NAV2: variants seen among roughly 807,000 people sequenced by gnomAD.
NAV2 encodes the protein neuron navigator 2, also known as helicase, APC down-regulated 1.
In NAV2, 54 loss-of-function variants were observed where a neutral mutation model predicts 223.2. The observed-to-expected ratio is 0.24, with a 90% CI of 0.19 to 0.30. The LOEUF is 0.30. Ranked by LOEUF, NAV2 falls within the 10% of genes least tolerant of loss-of-function variation. The pLI is 1.00. For synonymous variants in NAV2, 1,279 were observed against 1,239.3 expected (o/e 1.03, Z -0.67); for missense variants, 2,806 against 3,147.5 (o/e 0.89, Z 2.60).
chr11:19,946,153 C>G (rs149515532), intron 8 of NAV2, among the ~76,000 whole-genome samples: 1 of 152,200 alleles, frequency 6.6e-6, no homozygotes, highest in Non-Finnish European at 1.5e-5. Context: ...TTGGCTTCTC[C>G]CACATGCTAG....
At chr11:19,345,610 G>T in the NAV2 span, among the ~76,000 whole-genome samples, 1 of 152,230 alleles carries the variant, frequency 6.6e-6, no homozygotes, top group Non-Finnish European at 1.5e-5. The surrounding 1 kb of genome is among the most constrained non-coding windows in gnomAD (Gnocchi z 5.2). Context: ...ATAGCCACCC[G>T]TGCGCGATGA....
intron 1 of NAV2, among the ~76,000 whole-genome samples, chr11:19,551,973 C>A (rs908303771): frequency 2.0e-5 from 3 of 152,066 alleles, no homozygotes; most frequent in South Asian, 2.1e-4. Flanking sequence ...CTGACTGCAA[C>A]CCTGGGGTCT....
intron 1 of NAV2, among the ~76,000 whole-genome samples, chr11:19,374,305 A>G (rs1171053772): frequency 1.4e-5 from 2 of 138,430 alleles, no homozygotes. Context: ...ATTTTTCCGA[A>G]AAGGTTTTTT....
chr11:20,074,081 T>G (rs1292812333), intron 22 of NAV2, among the ~76,000 whole-genome samples: 1 of 152,228 alleles, frequency 6.6e-6, no homozygotes, highest in East Asian at 1.9e-4. Flanking sequence ...GTGCTATAAA[T>G]TTCCCTCTAC....
rs564863612 is a variant in NAV2, at chr11:19,814,945, GT to G, written c.268-17538del. Among the ~76,000 whole-genome samples, 807 of 152,222 alleles carry G rather than the reference GT, an allele frequency of 5.3e-3. 5 individuals carry two copies. Among genetic ancestry groups the G allele is most frequent in the Middle Eastern group, 0.044 (13 of 294 alleles). On this transcript the variant is annotated intron_variant, in intron 1 of 37. Transcript: ENST00000349880. ...TTAGCATTATTAGGTGGCTTGGCAG[GT>G]GCTTATTTTCTAGGAAAGAGTGTGC...
chr11:19,729,824 G>T (rs1590207124), intron 1 of NAV2, among the ~76,000 whole-genome samples: 1 of 152,298 alleles, frequency 6.6e-6, no homozygotes, highest in East Asian at 1.9e-4. Context: ...GTGGCCTTTG[G>T]ATCTGCAACC....
rs138840502 is a variant in NAV2 at position 19,717,306 on chromosome 11, A to G, written c.267+3344A>G. On this transcript the variant is annotated intron_variant, in intron 1 of 37. Transcript: ENST00000349880. ...GGATTTTATAATCTAGTTGGGAGGCATAACTGATATACACAGGGCAACAGG... is the reference window on the plus strand; with the variant it reads ...GGATTTTATAATCTAGTTGGGAGGCGTAACTGATATACACAGGGCAACAGG... 3.1e-3 allele frequency among the ~76,000 whole-genome samples: 469 copies of G among 152,354 alleles called. 2 individuals are homozygous for G. The highest frequency in any genetic ancestry group is 0.01 in the African/African-American group (431 of 41,586).
chr11:19,951,841 A>G (rs2047425285), intron 10 of NAV2, among the ~76,000 whole-genome samples: 1 of 152,264 alleles, frequency 6.6e-6, no homozygotes, highest in South Asian at 2.1e-4. Flanking sequence ...TAGCACTTAG[A>G]GCAAGTGTAG....
intron 1 of NAV2, among the ~76,000 whole-genome samples, chr11:19,690,472 C>T (rs2049142139): frequency 6.6e-6 from 1 of 152,034 alleles, no homozygotes; most frequent in Non-Finnish European, 1.5e-5. Flanking sequence ...CATGGTGAGC[C>T]CTATCTTTTA....
chr11:20,060,573 T>C (rs1446995339), intron 19 of NAV2, among the ~76,000 whole-genome samples: 1 of 152,188 alleles, frequency 6.6e-6, no homozygotes, highest in Non-Finnish European at 1.5e-5. Flanking sequence ...TAGGGACAGC[T>C]TAGAGCATTA....
At chr11:19,471,805 G>A (rs981340572) in intron 1 of NAV2, among the ~76,000 whole-genome samples, 3 of 152,090 alleles carry the variant, frequency 2.0e-5, no homozygotes, top group Non-Finnish European at 2.9e-5. Flanking sequence ...CCTGGCACCC[G>A]CGTGGCTGCC....
chr11:19,660,554 A>G (rs1463913473), intron 1 of NAV2, among the ~76,000 whole-genome samples: 1 of 152,118 alleles, frequency 6.6e-6, no homozygotes, highest in Non-Finnish European at 1.5e-5. Flanking sequence ...ACCTGGAAAG[A>G]GCATCAGATC....
chr11:19,410,230 C>T (rs1046551597), intron 1 of NAV2, among the ~76,000 whole-genome samples: 7 of 152,108 alleles, frequency 4.6e-5, no homozygotes, highest in East Asian at 1.9e-4. Flanking sequence ...CTTTTTGTTT[C>T]GCTTCCTCCT....
intron 1 of NAV2, among the ~76,000 whole-genome samples, chr11:19,529,491 A>G (rs2043956980): frequency 6.6e-6 from 1 of 150,726 alleles, no homozygotes; most frequent in Admixed American, 6.6e-5. Context: ...GCCCCACCCC[A>G]TCCCCAGTAA....
At position 19,868,961 on chromosome 11, in the gene NAV2, G is replaced by A; in HGVS notation, c.475G>A (p.Ala159Thr). The A allele has an allele frequency of 6.2e-7, 1 of 1,613,980 alleles. No homozygotes were observed. Among genetic ancestry groups the A allele is most frequent in the East Asian group, 2.2e-5 (1 of 44,876 alleles). ...NIDACLNFLA[A>T]KGINIQGLSA... ...AGATGCCTGCTTGAATTTCCTGGCA[G>A]CTAAGGGAATAAACATCCAGGGGCT... Residue 159 changes from alanine to threonine, a missense_variant, in exon 4 of 38, where the codon GCT becomes ACT. Physicochemically the swap from Ala to Thr is moderately conservative, Grantham distance 58. Transcript: ENST00000349880.
intron 1 of NAV2, among the ~76,000 whole-genome samples, chr11:19,592,721 C>T (rs998697721): frequency 6.6e-6 from 1 of 152,054 alleles, no homozygotes; most frequent in Non-Finnish European, 1.5e-5. Context: ...TTAGCATTAA[C>T]TAAGATGACT....
intron 1 of NAV2, among the ~76,000 whole-genome samples, chr11:19,472,007 C>T (rs1490401886): frequency 4.6e-5 from 7 of 152,194 alleles, no homozygotes; most frequent in African/African-American, 7.2e-5. Context: ...TCCCAACTAA[C>T]GGGTTGCTTT....
intron 11 of NAV2, among the ~76,000 whole-genome samples, chr11:19,991,934 C>G (rs1345820216): frequency 1.3e-5 from 2 of 152,152 alleles, no homozygotes; most frequent in East Asian, 3.9e-4. Flanking sequence ...TCCTTGCCTT[C>G]TCCTTTTGTC....
intron 1 of NAV2, among the ~76,000 whole-genome samples, chr11:19,561,360 C>T (rs1348096491): frequency 1.3e-5 from 2 of 152,092 alleles, no homozygotes; most frequent in Admixed American, 1.3e-4. Context: ...CACTGCTGGG[C>T]CCACCTGTTA....
Sources: allele counts gnomAD v4.1 joint callset (sites outside exome capture counted in the v4.1 genomes callset), GRCh38; gene constraint gnomAD v4.1.1; non-coding constraint Gnocchi (gnomAD v3.1); transcripts MANE v1.5; gene names NCBI Gene and HGNC (gene_info 2026-07-23, HGNC 2026-07-21).